The following FAF1 variants were observed in gnomAD, a reference collection of about 807,000 sequenced individuals.
FAF1 encodes the protein Fas associated factor 1.
Under a neutral mutation model 92.5 loss-of-function variants are expected in FAF1, and 25 were observed. The ratio of observed to expected loss-of-function variants is 0.27; its 90% CI spans 0.20 to 0.38. The LOEUF is 0.38. FAF1 is among the 10% of genes least tolerant of loss of function. The pLI, the probability that FAF1 is intolerant of heterozygous loss-of-function variation, is 1.00. For synonymous variants in FAF1, 234 were observed against 273.2 expected (o/e 0.86, Z 1.42); for missense variants, 636 against 793.3 (o/e 0.80, Z 2.38).
chr1:50,547,396 AGAGTTT>A (rs1388237949), intron 13 of FAF1, among the ~76,000 whole-genome samples: 2 of 151,602 alleles, frequency 1.3e-5, no homozygotes, highest in African/African-American at 4.9e-5. Context: ...ATTAGTAGTC[AGAGTTT>A]TAAAAAGCCA....
intron 17 of FAF1, among the ~76,000 whole-genome samples, chr1:50,478,825 T>C (rs34095805): frequency 0.035 from 5,359 of 152,328 alleles, 135 homozygotes; most frequent in Non-Finnish European, 0.056. Flanking sequence ...TATAAAGCTT[T>C]ATCCTTTCTG....
chr1:50,709,426 GATTCA>G (rs1451185672), intron 6 of FAF1, among the ~76,000 whole-genome samples: 1 of 152,168 alleles, frequency 6.6e-6, no homozygotes, highest in African/African-American at 2.4e-5. Context: ...ACTAGAAGGT[GATTCA>G]ATTCAACTGT....
At chr1:50,552,398 GA>G (rs1355467123) in intron 13 of FAF1, among the ~76,000 whole-genome samples, 1 of 151,818 alleles carries the variant, frequency 6.6e-6, no homozygotes, top group Non-Finnish European at 1.5e-5. Flanking sequence ...ATCGTGGTCT[GA>G]ATAAATCCAA....
intron 17 of FAF1, among the ~76,000 whole-genome samples, chr1:50,476,116 C>T (rs1479518202): frequency 6.6e-6 from 1 of 152,052 alleles, no homozygotes; most frequent in East Asian, 1.9e-4. Context: ...CTGCAGAATA[C>T]TGGATTATTA....
chr1:50,532,387 T>G (rs2149036099), intron 15 of FAF1, among the ~76,000 whole-genome samples: 1 of 152,304 alleles, frequency 6.6e-6, no homozygotes, highest in South Asian at 2.1e-4. Flanking sequence ...GTATTCATAT[T>G]CTTATACAGC....
rs572682841 is a variant in FAF1, at chr1:50,841,726, T to C, written c.114+16203A>G. Among the ~76,000 whole-genome samples, 12 of 152,096 alleles carry C rather than the reference T, an allele frequency of 7.9e-5. 1 individual carries two copies. Among genetic ancestry groups the C allele is most frequent in the Middle Eastern group, 3.4e-3 (1 of 294 alleles). On this transcript the variant is annotated intron_variant, in intron 2 of 18. Coordinates refer to ENST00000396153, the MANE Select transcript of FAF1 (RefSeq NM_007051.3). ...TTAACATGGCAAGAAATGAAGATAA[T>C]TGTAAAAAATAAAAAGCCAGATAGT...
At chr1:50,884,156 T>C (rs1158685479) in intron 1 of FAF1, among the ~76,000 whole-genome samples, 1 of 152,022 alleles carries the variant, frequency 6.6e-6, no homozygotes, top group Non-Finnish European at 1.5e-5. Flanking sequence ...TACAAGTTAC[T>C]TTCAAACAAC....
At chr1:50,544,579 T>C (rs1192550284) in intron 13 of FAF1, among the ~76,000 whole-genome samples, 1 of 152,210 alleles carries the variant, frequency 6.6e-6, no homozygotes, top group East Asian at 1.9e-4. Context: ...TGGGCAATGA[T>C]AGCTTCACTG....
Position 50,784,927 on chromosome 1 carries a change from G to A in FAF1, c.367+3073C>T, listed in dbSNP as rs889682633. On this transcript the variant is annotated intron_variant, in intron 4 of 18. Coordinates refer to ENST00000396153, the MANE Select transcript of FAF1 (RefSeq NM_007051.3). ...TAGAGTGCCAAGACCCCACAATGTG[G>A]AAAGGATAGTTTCTTCAAAAAATGG... 2.0e-5 allele frequency among the ~76,000 whole-genome samples: 3 copies of A among 152,184 alleles called. No homozygotes were observed. In the East Asian group the frequency reaches 5.8e-4, roughly 29 times the overall value.
rs146098227 is a variant in FAF1, at chr1:50,487,875, T to A, written c.1653+2713A>T. On this transcript the variant is annotated intron_variant, in intron 17 of 18. Coordinates refer to ENST00000396153, the MANE Select transcript of FAF1 (RefSeq NM_007051.3). ...GACCCGGCTTCTGATCCAGATTAGG[T>A]GTTCAACCAGTTTGGTGACCATAGG... Among the ~76,000 whole-genome samples the A allele has an allele frequency of 4.9e-4, 74 of 152,296 alleles. No individual in the cohort carries two copies. The East Asian group carries it at 0.014, about 29-fold the overall frequency.
intron 13 of FAF1, among the ~76,000 whole-genome samples, chr1:50,552,889 T>G (rs1649377261): frequency 6.6e-6 from 1 of 152,174 alleles, no homozygotes; most frequent in African/African-American, 2.4e-5. Flanking sequence ...CATTATTGTG[T>G]GCTTATTTGA....
chr1:50,864,326 C>G (rs1230660681), intron 1 of FAF1, among the ~76,000 whole-genome samples: 6 of 150,650 alleles, frequency 4.0e-5, no homozygotes, highest in African/African-American at 9.7e-5. Flanking sequence ...TTCCTGCTTT[C>G]TCTTGTGGGC....
intron 13 of FAF1, among the ~76,000 whole-genome samples, chr1:50,549,119 C>G (rs1364500548): frequency 1.3e-5 from 2 of 152,164 alleles, no homozygotes; most frequent in Non-Finnish European, 2.9e-5. Context: ...TTATTCTTTA[C>G]ACCATGCTTG....
intron 4 of FAF1, among the ~76,000 whole-genome samples, chr1:50,748,428 C>T (rs536000824): frequency 2.7e-5 from 4 of 148,844 alleles, no homozygotes; most frequent in South Asian, 2.1e-4. Context: ...ACCTGGGAGG[C>T]GGAGGCTGCA....
chr1:50,623,968 AAAG>A (rs1653338336), intron 8 of FAF1, among the ~76,000 whole-genome samples: 1 of 151,802 alleles, frequency 6.6e-6, no homozygotes, highest in African/African-American at 2.4e-5. Flanking sequence ...GAAGAAGAAG[AAAG>A]AAGAAGAGGA....
chr1:50,583,823 T>C lies in FAF1; in HGVS notation c.968-108A>G. On this transcript the variant is annotated intron_variant, in intron 10 of 18. Coordinates refer to ENST00000396153, the MANE Select transcript of FAF1 (RefSeq NM_007051.3). The surrounding 1 kb of genome is among the most constrained non-coding windows in gnomAD (Gnocchi z 4.2). ...ACATATAAGAAATATATTCAATCAA[T>C]AAAGAGGAAATAAAATTAAATTTTA... is the stretch of plus-strand genomic sequence containing the variant. The C allele has an allele frequency of 1.7e-6, 1 of 583,448 alleles. No individual in the cohort carries two copies. Among genetic ancestry groups the C allele is most frequent in the Non-Finnish European group, 2.9e-6 (1 of 343,626 alleles). 36.1% of individuals were successfully genotyped at this position (583,448 alleles called of 1,614,324 possible). A position where few individuals can be genotyped will look rare whatever the true frequency, so the allele number is the denominator to read the frequency against.
intron 8 of FAF1, among the ~76,000 whole-genome samples, chr1:50,604,018 G>A (rs1652265862): frequency 6.6e-6 from 1 of 152,180 alleles, no homozygotes; most frequent in Non-Finnish European, 1.5e-5. Flanking sequence ...ACAGTTACAA[G>A]TTCTCAGGCT....
chr1:50,905,454 C>T (rs921031025), intron 1 of FAF1, among the ~76,000 whole-genome samples: 4 of 152,336 alleles, frequency 2.6e-5, no homozygotes, highest in Admixed American at 6.5e-5. Context: ...CTTGAGGAAT[C>T]GCCACACTGT....
At position 50,638,071 on chromosome 1, in the gene FAF1, G is replaced by A. The variant is rs184415011; in HGVS notation, c.744+17371C>T. Among the ~76,000 whole-genome samples the A allele has an allele frequency of 3.8e-4, 58 of 152,020 alleles. 4 individuals carry two copies. The highest frequency in any genetic ancestry group is 1.4e-3 in the African/African-American group (56 of 41,452). On this transcript the variant is annotated intron_variant, in intron 8 of 18. Coordinates refer to ENST00000396153, the MANE Select transcript of FAF1 (RefSeq NM_007051.3). ...ATTTCATGTTTTTGGATAGAATTGC[G>A]AGTCATATAAGTTTTCTAAAACCCA...
Sources: allele counts gnomAD v4.1 joint callset (sites outside exome capture counted in the v4.1 genomes callset), GRCh38; gene constraint gnomAD v4.1.1; non-coding constraint Gnocchi (gnomAD v3.1); transcripts MANE v1.5; gene names NCBI Gene and HGNC (gene_info 2026-07-23, HGNC 2026-07-21).